Variants in LRRC7 observed in about 807,000 individuals in gnomAD.
The protein encoded by LRRC7 is leucine-rich repeat-containing protein 7.
A neutral mutation model predicts 175.7 loss-of-function variants in LRRC7; 23 were observed. The observed-to-expected ratio is 0.13, with a 90% CI of 0.09 to 0.19. The LOEUF (loss-of-function observed/expected upper bound fraction) is 0.19, where lower values mean the gene tolerates loss of function less well. Ranked by LOEUF, LRRC7 falls within the 10% of genes least tolerant of loss-of-function variation. The pLI is 1.00. For missense variants in LRRC7, 1,354 were observed against 1,904.7 expected, an observed-to-expected ratio of 0.71 and a Z score of 5.38; for synonymous variants, 685 against 680.9, an observed-to-expected ratio of 1.01 and a Z score of -0.09.
At chr1:69,939,175 T>A (rs1334642475) in intron 8 of LRRC7, among the ~76,000 whole-genome samples, 5 of 151,656 alleles carry the variant, frequency 3.3e-5, no homozygotes, top group Non-Finnish European at 5.9e-5. Flanking sequence ...AGGTGAAAAC[T>A]ATACTGATTA....
chr1:69,603,465 CGTT>C (rs1647163641), intron 1 of LRRC7, among the ~76,000 whole-genome samples: 1 of 152,166 alleles, frequency 6.6e-6, no homozygotes, highest in Non-Finnish European at 1.5e-5. Flanking sequence ...AGTATGTTAT[CGTT>C]GTTACATTTT....
At chr1:70,116,578 T>G (rs1665877251) in intron 26 of LRRC7, among the ~76,000 whole-genome samples, 2 of 151,548 alleles carry the variant, frequency 1.3e-5, no homozygotes, top group Admixed American at 1.3e-4. Flanking sequence ...CAGAAATTCT[T>G]ATTTATGTTT....
chr1:69,967,285 C>G (rs1031857125), intron 8 of LRRC7, among the ~76,000 whole-genome samples: 1 of 152,114 alleles, frequency 6.6e-6, no homozygotes, highest in Non-Finnish European at 1.5e-5. Context: ...CCCACAGCAG[C>G]CACAGCAAGA....
intron 24 of LRRC7, among the ~76,000 whole-genome samples, chr1:70,077,975 A>C (rs976743048): frequency 2.6e-5 from 4 of 152,190 alleles, no homozygotes; most frequent in Admixed American, 2.6e-4. Context: ...GAAGGGACTT[A>C]AATATAACAC....
At chr1:69,856,589 A>G (rs1204631838) in intron 7 of LRRC7, among the ~76,000 whole-genome samples, 1 of 152,218 alleles carries the variant, frequency 6.6e-6, no homozygotes, top group African/African-American at 2.4e-5. Flanking sequence ...TGAATAGACC[A>G]ATAACAGGCT....
intron 1 of LRRC7, among the ~76,000 whole-genome samples, chr1:69,599,628 G>A (rs979878894): frequency 1.3e-5 from 2 of 152,204 alleles, no homozygotes; most frequent in Admixed American, 1.3e-4. Flanking sequence ...GTTGAAGCTT[G>A]GGTTATATAG....
intron 7 of LRRC7, among the ~76,000 whole-genome samples, chr1:69,906,617 A>T (rs1255393788): frequency 6.6e-6 from 1 of 152,116 alleles, no homozygotes; most frequent in Admixed American, 6.6e-5. Flanking sequence ...CCATTGATCT[A>T]TATCTCTGTT....
Position 69,776,273 on chromosome 1 carries a change from T to C in LRRC7, c.304-15770T>C, listed in dbSNP as rs925844966. ...ACATAATATATGTGAAATGTGAGTA[T>C]GGTGTCTGCAAAACATAACCTTTCA... On this transcript the variant is annotated intron_variant, in intron 3 of 26. Coordinates refer to ENST00000651989, the MANE Select transcript of LRRC7 (RefSeq NM_001370785.2). Among the ~76,000 whole-genome samples the C allele has an allele frequency of 1.3e-5, 2 of 152,198 alleles. 1 individual carries two copies. The highest frequency in any genetic ancestry group is 4.1e-4 in the South Asian group (2 of 4,834).
At chr1:69,733,070 CTATT>C (rs1311472897) in intron 2 of LRRC7, among the ~76,000 whole-genome samples, 8 of 152,052 alleles carry the variant, frequency 5.3e-5, no homozygotes, top group Non-Finnish European at 8.8e-5. Flanking sequence ...ATTTTCTTAT[CTATT>C]TAAGACATTT....
chr1:70,008,231 C>T (rs1656167299), intron 11 of LRRC7, among the ~76,000 whole-genome samples: 1 of 152,138 alleles, frequency 6.6e-6, no homozygotes, highest in Non-Finnish European at 1.5e-5. Flanking sequence ...ATTTTTCTGC[C>T]TGCTTTACAT....
At chr1:69,896,338 A>G (rs754563171) in intron 7 of LRRC7, among the ~76,000 whole-genome samples, 1 of 152,172 alleles carries the variant, frequency 6.6e-6, no homozygotes, top group Admixed American at 6.5e-5. Flanking sequence ...TTTGAAATAT[A>G]CAATAGATGA....
intron 2 of LRRC7, among the ~76,000 whole-genome samples, chr1:69,695,946 GC>G (rs1557612643): frequency 6.6e-6 from 1 of 152,186 alleles, no homozygotes; most frequent in Non-Finnish European, 1.5e-5. Context: ...AGAGACAGAG[GC>G]CCTGCAGAGA....
At chr1:69,659,514 CAAA>C (rs561697511) in intron 1 of LRRC7, among the ~76,000 whole-genome samples, 2 of 122,342 alleles carry the variant, frequency 1.6e-5, no homozygotes, top group African/African-American at 3.0e-5. Flanking sequence ...AACAATCAGC[CAAA>C]AAAAAAAAAA....
chr1:69,938,996 T>C (rs1327995814), intron 8 of LRRC7, among the ~76,000 whole-genome samples: 2 of 89,074 alleles, frequency 2.2e-5, no homozygotes, highest in East Asian at 8.6e-4. Flanking sequence ...GGCTGTAGAT[T>C]ATATATATAT....
At chr1:69,986,467 A>C in intron 10 of LRRC7, 81 bp downstream of exon 10, 1 of 1,191,370 alleles carries the variant, frequency 8.4e-7, no homozygotes, top group Non-Finnish European at 1.2e-6. Context: ...GTCTATAGAT[A>C]TAGGTAATAT....
chr1:69,699,337 C>G (rs997144022), intron 2 of LRRC7, among the ~76,000 whole-genome samples: 1 of 151,980 alleles, frequency 6.6e-6, no homozygotes, highest in Non-Finnish European at 1.5e-5. Context: ...GTCAATAGAT[C>G]AAAACCATCC....
At chr1:69,835,351 G>A (rs910913631) in intron 6 of LRRC7, among the ~76,000 whole-genome samples, 4 of 151,548 alleles carry the variant, frequency 2.6e-5, no homozygotes, top group South Asian at 4.1e-4. Flanking sequence ...ATTTAACATA[G>A]AATTCTTACA....
At chr1:69,823,286 A>C (rs1371073489) in intron 4 of LRRC7, among the ~76,000 whole-genome samples, 1 of 152,128 alleles carries the variant, frequency 6.6e-6, no homozygotes, top group Non-Finnish European at 1.5e-5. Flanking sequence ...TCAGATACTA[A>C]AATGTCTCAA....
chr1:70,045,874 T>C (rs2102046375), intron 22 of LRRC7, among the ~76,000 whole-genome samples: 1 of 152,242 alleles, frequency 6.6e-6, no homozygotes, highest in South Asian at 2.1e-4. Context: ...ATGAGACTTA[T>C]TCATTACCAT....
Sources: gnomAD v4.1 joint callset for allele counts (sites outside exome capture counted in the v4.1 genomes callset) on GRCh38, gnomAD v4.1.1 for gene constraint, MANE v1.5 for transcripts, NCBI Gene and HGNC (gene_info 2026-07-23, HGNC 2026-07-21) for gene names.